The following ADGB variants were observed in gnomAD, a reference collection of about 807,000 sequenced individuals.
The protein encoded by ADGB is calpain-7-like protein.
Under a neutral mutation model 210.5 loss-of-function variants are expected in ADGB, and 172 were observed. That is an observed-to-expected ratio of 0.82 (90% confidence interval 0.72 to 0.93). The LOEUF is 0.93. ADGB is among the 40% of genes least tolerant of loss of function. The pLI, the probability that ADGB is intolerant of heterozygous loss-of-function variation, is 0.00. For synonymous variants in ADGB, 658 were observed against 662.7 expected (o/e 0.99, Z 0.11); for missense variants, 2,025 against 1,964.8 (o/e 1.03, Z -0.58).
At chr6:146,654,471 A>G (rs1775751950) in intron 4 of ADGB, among the ~76,000 whole-genome samples, 1 of 151,970 alleles carries the variant, frequency 6.6e-6, no homozygotes, top group Non-Finnish European at 1.5e-5. Flanking sequence ...CTCCCACCTC[A>G]GATTCCTGGT....
At chr6:146,728,316 T>G (rs1449282572) in intron 19 of ADGB, among the ~76,000 whole-genome samples, 1 of 152,168 alleles carries the variant, frequency 6.6e-6, no homozygotes, top group African/African-American at 2.4e-5. Context: ...GTCTGGTTAT[T>G]AATACGGTGG....
intron 9 of ADGB, among the ~76,000 whole-genome samples, chr6:146,684,028 C>T (rs929838760): frequency 2.6e-5 from 4 of 152,032 alleles, no homozygotes; most frequent in Non-Finnish European, 4.4e-5. Context: ...CCATGGGGTG[C>T]CCAGACATTT....
chr6:146,620,736 C>T (rs961110704), intron 1 of ADGB, among the ~76,000 whole-genome samples: 4 of 151,976 alleles, frequency 2.6e-5, no homozygotes, highest in African/African-American at 9.7e-5. Flanking sequence ...TTCTGTGATT[C>T]TCTAAACCTC....
chr6:146,790,665 C>T (rs2114653413), intron 33 of ADGB, among the ~76,000 whole-genome samples: 1 of 152,268 alleles, frequency 6.6e-6, no homozygotes, highest in South Asian at 2.1e-4. Context: ...GTACAGACAC[C>T]TCTTTTACGT....
chr6:146,701,201 A>G, intron 13 of ADGB, 131 bp downstream of exon 13: 4 of 1,049,424 alleles, frequency 3.8e-6, no homozygotes, highest in Non-Finnish European at 5.3e-6. Context: ...ATAGTGTTAA[A>G]ATAAATCTCT....
At chr6:146,653,322 T>C (rs941132571) in intron 3 of ADGB, among the ~76,000 whole-genome samples, 1 of 152,118 alleles carries the variant, frequency 6.6e-6, no homozygotes, top group African/African-American at 2.4e-5. Flanking sequence ...ATAAATGTAA[T>C]GTGCTTGAAT....
In ADGB at chr6:146,728,633, T is replaced by C. The variant is rs773524087; in HGVS notation, c.2412T>C (p.Ile804=). ...LLIMKAIGNV[I]ANFKDKGKLS... is the part of the protein sequence containing the mutation. ...TTATGAAAGCTATTGGAAATGTGAT[T>C]GCTAATTTCAAAGATAAGGGTAAAC... Residue 804 remains isoleucine (I), a synonymous_variant, in exon 20 of 36, where the codon ATT becomes ATC. Transcript: ENST00000397944. The C allele has an allele frequency of 2.6e-6, 4 of 1,551,616 alleles. No homozygotes were observed. The highest frequency in any genetic ancestry group is 1.7e-4 in the Middle Eastern group (1 of 5,992).
intron 5 of ADGB, among the ~76,000 whole-genome samples, chr6:146,659,744 G>A (rs1775830072): frequency 6.6e-6 from 1 of 152,136 alleles, no homozygotes; most frequent in Admixed American, 6.6e-5. Flanking sequence ...TCTTTCACCT[G>A]GGAATGATGA....
intron 16 of ADGB, among the ~76,000 whole-genome samples, chr6:146,717,948 A>T (rs1583603894): frequency 1.3e-5 from 2 of 152,226 alleles, no homozygotes; most frequent in South Asian, 4.1e-4. Context: ...TTCCTAAAAC[A>T]TAAGGACACT....
chr6:146,721,609 G>A (rs560962707), intron 17 of ADGB, 104 bp downstream of exon 17: 53 of 352,528 alleles, frequency 1.5e-4, no homozygotes, highest in South Asian at 4.9e-4. Context: ...AGGCTGAGGC[G>A]GGTGGATCAC....
intron 9 of ADGB, among the ~76,000 whole-genome samples, chr6:146,681,667 G>A (rs1776159767): frequency 6.6e-6 from 1 of 152,028 alleles, no homozygotes; most frequent in Non-Finnish European, 1.5e-5. Context: ...GAAAGAAATA[G>A]ATTAGAAGCC....
At chr6:146,745,373 C>G (rs768873559) in intron 25 of ADGB, among the ~76,000 whole-genome samples, 2 of 152,184 alleles carry the variant, frequency 1.3e-5, no homozygotes, top group African/African-American at 2.4e-5. Flanking sequence ...AAGCCATTCC[C>G]AGGCTCTTGA....
intron 1 of ADGB, among the ~76,000 whole-genome samples, chr6:146,624,687 T>C (rs1170949889): frequency 1.3e-5 from 2 of 151,974 alleles, no homozygotes; most frequent in African/African-American, 4.8e-5. Context: ...GAAACTGCTG[T>C]ATTATTTTGA....
intron 3 of ADGB, among the ~76,000 whole-genome samples, chr6:146,653,174 G>A (rs904483097): frequency 1.3e-5 from 2 of 151,910 alleles, no homozygotes; most frequent in African/African-American, 2.4e-5. Context: ...ATCTGTCACT[G>A]TCTCCAGTCA....
At chr6:146,712,505 T>TTTG (rs1776673157) in intron 13 of ADGB, among the ~76,000 whole-genome samples, 1 of 151,898 alleles carries the variant, frequency 6.6e-6, no homozygotes, top group East Asian at 1.9e-4. Context: ...TTTTTTTTGT[T>TTTG]CTGTTTTGTT....
intron 16 of ADGB, among the ~76,000 whole-genome samples, chr6:146,721,043 T>G (rs1776805450): frequency 6.6e-6 from 1 of 152,200 alleles, no homozygotes; most frequent in Non-Finnish European, 1.5e-5. Context: ...CTCTATGGCC[T>G]TCCTGCCCAT....
intron 19 of ADGB, among the ~76,000 whole-genome samples, chr6:146,728,355 G>A (rs1776927879): frequency 6.6e-6 from 1 of 152,130 alleles, no homozygotes; most frequent in Admixed American, 6.5e-5. Context: ...CCCAATATGA[G>A]ATGAATATTC....
intron 30 of ADGB, among the ~76,000 whole-genome samples, chr6:146,782,940 A>ACCTAG (rs1777823252): frequency 6.6e-6 from 1 of 152,226 alleles, no homozygotes; most frequent in Non-Finnish European, 1.5e-5. Context: ...GCCTAGGTTA[A>ACCTAG]GCAGGACTGG....
intron 35 of ADGB, among the ~76,000 whole-genome samples, chr6:146,809,411 G>T (rs1210834506): frequency 6.6e-6 from 1 of 152,068 alleles, no homozygotes; most frequent in African/African-American, 2.4e-5. Context: ...TCACCAGGTC[G>T]ACCAGGCTGG....
Sources: gnomAD v4.1 joint callset for allele counts (sites outside exome capture counted in the v4.1 genomes callset) on GRCh38, gnomAD v4.1.1 for gene constraint, MANE v1.5 for transcripts, NCBI Gene and HGNC (gene_info 2026-07-23, HGNC 2026-07-21) for gene names.